SLC8B1: variants seen among roughly 807,000 people sequenced by gnomAD.
SLC8B1 encodes the protein mitochondrial sodium/calcium exchanger protein.
In SLC8B1, 52 loss-of-function variants were observed where a neutral mutation model predicts 63.4. The ratio of observed to expected loss-of-function variants is 0.82; its 90% confidence interval spans 0.66 to 1.03. SLC8B1 has a LOEUF of 1.03. Ranked by LOEUF, SLC8B1 falls within the 50% of genes least tolerant of loss-of-function variation. The probability of loss-of-function intolerance (pLI) is 0.00; values close to 1 mark genes in which losing one functional copy is unlikely to be tolerated. For missense variants in SLC8B1, 657 were observed against 741.7 expected, an observed-to-expected ratio of 0.89 and a Z score of 1.33; for synonymous variants, 336 against 323.9, an observed-to-expected ratio of 1.04 and a Z score of -0.40.
chr12:113,320,328 C>T lies in SLC8B1; in HGVS notation c.694+3G>A, dbSNP rs1956903374. 3.7e-6 allele frequency: 6 copies of T among 1,613,886 alleles called. No homozygotes were observed. Among genetic ancestry groups the T allele is most frequent in the Non-Finnish European group, 5.1e-6 (6 of 1,179,876 alleles). The stretch of plus-strand genomic sequence containing the variant: ...CTCACGCCTGAGCCCCAGAGCTGCT[C>T]ACCCAGAGCCCATGCCAGGGTGACC... On this transcript the variant is annotated splice_donor_region_variant and intron_variant, in intron 7 of 15. Coordinates refer to ENST00000680972, the MANE Select transcript of SLC8B1 (RefSeq NM_001358345.2). The surrounding 1 kb of genome is among the most constrained non-coding windows in gnomAD (Gnocchi z 5.3).
chr12:113,333,036 T>C (rs67763786), intron 1 of SLC8B1, 76 bp from the exon 2 acceptor site: 86,837 of 881,688 alleles, frequency 0.098, 4,790 homozygotes, highest in African/African-American at 0.17. Flanking sequence ...TGGAAGACTC[T>C]AGTTAAGGAA....
At chr12:113,332,670 C>G (rs201625097) in intron 2 of SLC8B1, 53 bp downstream of exon 2, 9 of 1,561,934 alleles carry the variant, frequency 5.8e-6, no homozygotes, top group East Asian at 4.6e-5. Context: ...AGATATTTAT[C>G]GATTGGAGGA....
chr12:113,322,003 G>A (rs1041482703), intron 2 of SLC8B1, among the ~76,000 whole-genome samples: 2 of 151,852 alleles, frequency 1.3e-5, no homozygotes, highest in African/African-American at 2.4e-5. Flanking sequence ...GACCAGCCTG[G>A]ACAACATAGC....
chr12:113,304,474 G>T (rs889375700), intron 14 of SLC8B1, 89 bp from the exon 15 acceptor site: 3 of 1,212,686 alleles, frequency 2.5e-6, no homozygotes, highest in Non-Finnish European at 3.6e-6. Flanking sequence ...CATCCCCAGG[G>T]CTTGGGATGC....
intron 2 of SLC8B1, among the ~76,000 whole-genome samples, chr12:113,331,947 T>G (rs985362432): frequency 1.1e-4 from 16 of 152,076 alleles, no homozygotes; most frequent in African/African-American, 3.9e-4. Flanking sequence ...CTCTCCATCC[T>G]CCTCTCTTAG....
At chr12:113,321,008 C>T in intron 4 of SLC8B1, 48 bp downstream of exon 4, 1 of 1,598,176 alleles carries the variant, frequency 6.3e-7, no homozygotes, top group Non-Finnish European at 8.5e-7. Context: ...CCTCCTGGGA[C>T]CCCTCCTCCC....
At chr12:113,307,962 A>G (rs1258580701) in intron 12 of SLC8B1, 118 bp from the exon 13 acceptor site, 2 of 1,211,938 alleles carry the variant, frequency 1.7e-6, no homozygotes, top group Non-Finnish European at 2.3e-6. Flanking sequence ...TATTATGAGT[A>G]TAAAACACGT....
In SLC8B1 at chr12:113,316,784, G is replaced by T. The variant is rs562443808; in HGVS notation, c.863-128C>A. On this transcript the variant is annotated intron_variant, in intron 9 of 15. Transcript: ENST00000680972. ...GACAAAGCCCAGTACTCGGCAGAGG[G>T]CAGACAACCCTGGCCCTTGGCTCAC... 3.6e-4 allele frequency: 537 copies of T among 1,508,508 alleles called. 1 individual carries two copies. The highest frequency in any genetic ancestry group is 3.3e-4 in the Non-Finnish European group (363 of 1,106,850). The allele number at this position is 1,508,508 out of a possible 1,614,324, so 93.4% of individuals were successfully genotyped here.
chr12:113,334,486 G>A lies in SLC8B1; in HGVS notation c.-126C>T, dbSNP rs1037240447. Reference sequence around the variant, plus strand: ...GCCCTTCCTCTTCTATGGTTCTCCCGAACCCCTCCAACTGGAGTCCGAGTT... The same window carrying A: ...GCCCTTCCTCTTCTATGGTTCTCCCAAACCCCTCCAACTGGAGTCCGAGTT... On this transcript the variant is annotated 5_prime_UTR_variant, in exon 1 of 16. Coordinates refer to ENST00000680972, the MANE Select transcript of SLC8B1 (RefSeq NM_001358345.2). 3 of 152,034 alleles carry A rather than the reference G, an allele frequency of 2.0e-5. No individual in the cohort carries two copies. The highest frequency in any genetic ancestry group is 2.0e-4 in the Admixed American group (3 of 15,262). 9.4% of individuals were successfully genotyped at this position (152,034 alleles called of 1,614,324 possible). A position where few individuals can be genotyped will look rare whatever the true frequency, so the allele number is the denominator to read the frequency against.
chr12:113,317,912 T>A (rs988996961), intron 8 of SLC8B1, among the ~76,000 whole-genome samples: 63 of 152,334 alleles, frequency 4.1e-4, no homozygotes, highest in African/African-American at 1.2e-3. Flanking sequence ...ATGGCATGCA[T>A]GTATGTGTAT....
At chr12:113,301,144 AAAG>A (rs1956581550) in intron 15 of SLC8B1, among the ~76,000 whole-genome samples, 1 of 152,094 alleles carries the variant, frequency 6.6e-6, no homozygotes, top group Non-Finnish European at 1.5e-5. Context: ...TCAAAAAACA[AAAG>A]AAGAAAAAAG....
At position 113,320,880 on chromosome 12, in the gene SLC8B1, A is replaced by C. The variant is rs1956917015; in HGVS notation, c.390T>G (p.Ser130=). The C allele has an allele frequency of 1.2e-6, 2 of 1,607,262 alleles. No individual in the cohort carries two copies. Among genetic ancestry groups the C allele is most frequent in the African/African-American group, 2.7e-5 (2 of 74,920 alleles). Reference sequence around the variant, plus strand: ...CGTTGTGGGAGAGCTTCAGTGTGGTAGAAATGGCCGACAAGTTGGGGCAGA... The same window carrying C: ...CGTTGTGGGAGAGCTTCAGTGTGGTCGAAATGGCCGACAAGTTGGGGCAGA... ...KFFCPNLSAI[S]TTLKLSHNVA... Residue 130 remains serine (S), a synonymous_variant, in exon 5 of 16, where the codon TCT becomes TCG. Transcript: ENST00000680972. The surrounding 1 kb of genome is among the most constrained non-coding windows in gnomAD (Gnocchi z 5.3).
intron 7 of SLC8B1, chr12:113,319,322 C>A: frequency 2.3e-6 from 1 of 430,594 alleles, no homozygotes. Flanking sequence ...TCCAGGTCCC[C>A]ATTCAAGTAC....
intron 1 of SLC8B1, among the ~76,000 whole-genome samples, chr12:113,333,511 G>C (rs1957086565): frequency 1.3e-5 from 2 of 152,172 alleles, no homozygotes; most frequent in South Asian, 4.1e-4. Flanking sequence ...CTATCCTCAC[G>C]ACATGCCGAG....
intron 2 of SLC8B1, among the ~76,000 whole-genome samples, chr12:113,330,616 G>A (rs1957043990): frequency 6.6e-6 from 1 of 152,172 alleles, no homozygotes; most frequent in South Asian, 2.1e-4. Flanking sequence ...TGATCTCCCA[G>A]TTTTCCTGCC....
At chr12:113,315,609 A>G in intron 10 of SLC8B1, 133 bp from the exon 11 acceptor site, 1 of 1,131,508 alleles carries the variant, frequency 8.8e-7, no homozygotes, top group Non-Finnish European at 1.2e-6. Context: ...TTCCAGGCTA[A>G]GTGCCTGGTT....
rs1321049422 is a variant in SLC8B1, at chr12:113,320,317, CCA to C, written c.694+12_694+13del. On this transcript the variant is annotated intron_variant, in intron 7 of 15. Transcript: ENST00000680972. This position sits in a 1 kb window ranked among gnomAD's most constrained non-coding sequence, Gnocchi z 5.3. ...AGCCCTGGGATCTCACGCCTGAGCC[CCA>C]GAGCTGCTCACCCAGAGCCCATGCC... is the stretch of plus-strand genomic sequence containing the variant. 1 of 1,613,520 alleles carries C rather than the reference CCA, an allele frequency of 6.2e-7. No individual in the cohort carries two copies. Among genetic ancestry groups the C allele is most frequent in the African/African-American group, 1.3e-5 (1 of 75,032 alleles).
At chr12:113,331,205 G>A (rs955987078) in intron 2 of SLC8B1, among the ~76,000 whole-genome samples, 1 of 151,818 alleles carries the variant, frequency 6.6e-6, no homozygotes, top group African/African-American at 2.4e-5. Context: ...TGGCCAACAT[G>A]GTGAAACCCT....
At chr12:113,308,454 A>G (rs1956708249) in intron 12 of SLC8B1, 1 of 152,694 alleles carries the variant, frequency 6.5e-6, no homozygotes, top group South Asian at 2.1e-4. Flanking sequence ...TTTCCAGTCT[A>G]TGAACCAAAT....
Sources: allele counts gnomAD v4.1 joint callset (sites outside exome capture counted in the v4.1 genomes callset), GRCh38; gene constraint gnomAD v4.1.1; non-coding constraint Gnocchi (gnomAD v3.1); transcripts MANE v1.5; gene names NCBI Gene and HGNC (gene_info 2026-07-23, HGNC 2026-07-21).